The following ZZZ3 variants were observed in gnomAD, a reference collection of about 807,000 sequenced individuals.
ZZZ3 encodes the protein ZZ-type zinc finger-containing protein 3.
A neutral mutation model predicts 95.2 loss-of-function variants in ZZZ3; 22 were observed. The ratio of observed to expected loss-of-function variants is 0.23; its 90% CI spans 0.17 to 0.33. The LOEUF (loss-of-function observed/expected upper bound fraction) is 0.33. Ranked by LOEUF, ZZZ3 falls within the 10% of genes least tolerant of loss-of-function variation. The pLI, the probability that ZZZ3 is intolerant of heterozygous loss-of-function variation, is 1.00. For missense variants in ZZZ3, 885 were observed against 1,066.5 expected, an observed-to-expected ratio of 0.83 and a Z score of 2.37; for synonymous variants, 335 against 358.9, an observed-to-expected ratio of 0.93 and a Z score of 0.75.
chr1:77,648,099 C>A (rs1363729437), intron 1 of ZZZ3, among the ~76,000 whole-genome samples: 1 of 152,118 alleles, frequency 6.6e-6, no homozygotes, highest in Non-Finnish European at 1.5e-5. Context: ...TGGTTCACAC[C>A]TGTAATCCCA....
chr1:77,623,170 CTCTT>C (rs1317264386), intron 5 of ZZZ3, among the ~76,000 whole-genome samples: 1 of 152,198 alleles, frequency 6.6e-6, no homozygotes, highest in Non-Finnish European at 1.5e-5. Flanking sequence ...TTATCACCCT[CTCTT>C]TCTACTTGGA....
At chr1:77,616,246 C>T (rs1666302337) in intron 5 of ZZZ3, among the ~76,000 whole-genome samples, 1 of 152,138 alleles carries the variant, frequency 6.6e-6, no homozygotes, top group Admixed American at 6.5e-5. Context: ...TAACAAGTTT[C>T]TAATGCCCAA....
At chr1:77,669,969 T>C (rs1275248313) in intron 1 of ZZZ3, among the ~76,000 whole-genome samples, 2 of 151,902 alleles carry the variant, frequency 1.3e-5, no homozygotes, top group Non-Finnish European at 2.9e-5. Flanking sequence ...AATAGTTGCA[T>C]GGCACTGTAA....
At chr1:77,670,708 C>G (rs866410295) in intron 1 of ZZZ3, among the ~76,000 whole-genome samples, 5 of 149,590 alleles carry the variant, frequency 3.3e-5, no homozygotes, top group Non-Finnish European at 5.9e-5. Flanking sequence ...TTATCAGAAT[C>G]AAACTGGAGT....
rs761062505 is a variant in ZZZ3, at chr1:77,631,836, A to G, written c.1505+14T>C. The G allele has an allele frequency of 3.9e-6, 6 of 1,531,714 alleles. No homozygotes were observed. In the African/African-American group the frequency reaches 6.9e-5, roughly 18 times the overall value. 94.9% of individuals were successfully genotyped at this position (1,531,714 alleles called of 1,614,324 possible). A position where few individuals can be genotyped will look rare whatever the true frequency, so the allele number is the denominator to read the frequency against. On this transcript the variant is annotated intron_variant, in intron 5 of 14. Transcript: ENST00000370801. ...AAACAAAGCAGAATTCATGGTTACC[A>G]TATTTACACATACTCTTTGTTGTGT... is the stretch of plus-strand genomic sequence containing the variant.
intron 1 of ZZZ3, among the ~76,000 whole-genome samples, chr1:77,681,179 A>T (rs1672718721): frequency 6.6e-6 from 1 of 152,230 alleles, no homozygotes. Context: ...ATATGGAAAT[A>T]TCTGGAATGA....
intron 5 of ZZZ3, among the ~76,000 whole-genome samples, chr1:77,614,703 G>C (rs1666140140): frequency 6.6e-6 from 1 of 151,908 alleles, no homozygotes; most frequent in South Asian, 2.1e-4. Context: ...AATATACAGG[G>C]GAATATGTTA....
At chr1:77,585,634 A>C (rs1305591414) in intron 5 of ZZZ3, among the ~76,000 whole-genome samples, 3 of 152,200 alleles carry the variant, frequency 2.0e-5, no homozygotes, top group Non-Finnish European at 4.4e-5. Flanking sequence ...TACTAGACTA[A>C]ACTCCATAAT....
At chr1:77,620,005 CAA>C (rs1666690836) in intron 5 of ZZZ3, among the ~76,000 whole-genome samples, 1 of 152,020 alleles carries the variant, frequency 6.6e-6, no homozygotes, top group African/African-American at 2.4e-5. Context: ...ATGATTCTCT[CAA>C]AGAGCTTATG....
At chr1:77,671,090 G>A (rs1347223582) in intron 1 of ZZZ3, among the ~76,000 whole-genome samples, 3 of 151,214 alleles carry the variant, frequency 2.0e-5, no homozygotes, top group African/African-American at 4.9e-5. Context: ...TCCAACCTCA[G>A]AATGGAGGCA....
chr1:77,652,922 C>T (rs1349975801), intron 1 of ZZZ3, among the ~76,000 whole-genome samples: 1 of 152,164 alleles, frequency 6.6e-6, no homozygotes, highest in Non-Finnish European at 1.5e-5. Flanking sequence ...TGGTTCACAC[C>T]TGTAATCCCA....
At chr1:77,657,857 G>C (rs1398573660) in intron 1 of ZZZ3, among the ~76,000 whole-genome samples, 4 of 152,082 alleles carry the variant, frequency 2.6e-5, no homozygotes, top group Admixed American at 2.6e-4. Flanking sequence ...TACAAATATA[G>C]CTTACCCCAT....
intron 12 of ZZZ3, among the ~76,000 whole-genome samples, chr1:77,572,117 A>C (rs1661447157): frequency 6.6e-6 from 1 of 152,206 alleles, no homozygotes; most frequent in South Asian, 2.1e-4. Flanking sequence ...AGAAACTAAA[A>C]TCTATAAACT....
Position 77,580,991 on chromosome 1 carries a change from T to C in ZZZ3, c.1980+7A>G, listed in dbSNP as rs2100552545. On this transcript the variant is annotated splice_region_variant and intron_variant, in intron 9 of 14. Coordinates refer to ENST00000370801, the MANE Select transcript of ZZZ3 (RefSeq NM_015534.6). ...TTAAGCCTACACGATTTTGAAATAT[T>C]TATTACCTGTTCTTCAACAGTCCAC... 1 of 1,612,458 alleles carries C rather than the reference T, an allele frequency of 6.2e-7. No homozygotes were observed.
intron 5 of ZZZ3, among the ~76,000 whole-genome samples, chr1:77,612,789 G>A (rs904814867): frequency 6.6e-6 from 1 of 151,728 alleles, no homozygotes; most frequent in African/African-American, 2.4e-5. Flanking sequence ...CTGGCAGGGG[G>A]GTGGGGAAAG....
chr1:77,632,619 C>A lies in ZZZ3; in HGVS notation c.736G>T (p.Asp246Tyr), dbSNP rs150105207. The change falls in exon 5 of 15, where the codon GAT (aspartate) becomes TAT (tyrosine). Residue 246 changes from aspartate to tyrosine, a missense_variant. Asp to Tyr is a radical substitution (Grantham distance 160). This residue lies in a region of ZZZ3 where 556 missense variants were observed against 652.9 expected (regional missense o/e 0.85). Coordinates refer to ENST00000370801, the MANE Select transcript of ZZZ3 (RefSeq NM_015534.6). ...TCAAGGAACATTGAAGTTTGGGTAT[C>A]CGTATCCCCATTTTCAGCTACTGAT... ...EKSVAENGDTDTQTSMFLDSR... is the reference protein window; with the variant it reads ...EKSVAENGDTYTQTSMFLDSR... 3.8e-5 allele frequency: 61 copies of A among 1,614,160 alleles called. No homozygotes were observed. The highest frequency in any genetic ancestry group is 4.7e-5 in the Non-Finnish European group (56 of 1,180,018).
intron 5 of ZZZ3, among the ~76,000 whole-genome samples, chr1:77,605,188 C>G (rs1665112852): frequency 6.6e-6 from 1 of 152,144 alleles, no homozygotes; most frequent in Non-Finnish European, 1.5e-5. Context: ...TCCCTATCCC[C>G]CAGCAGTGAC....
chr1:77,655,010 G>T (rs1188551966), intron 1 of ZZZ3, among the ~76,000 whole-genome samples: 1 of 152,100 alleles, frequency 6.6e-6, no homozygotes, highest in Non-Finnish European at 1.5e-5. Flanking sequence ...ATTGTCTCTG[G>T]TGAGAGCCTT....
At chr1:77,669,738 G>A (rs375967366) in intron 1 of ZZZ3, among the ~76,000 whole-genome samples, 5 of 152,044 alleles carry the variant, frequency 3.3e-5, no homozygotes, top group East Asian at 1.9e-4. Context: ...TATTACAGGC[G>A]TGAGCCACTG....
Sources: allele counts gnomAD v4.1 joint callset (sites outside exome capture counted in the v4.1 genomes callset), GRCh38; gene constraint gnomAD v4.1.1; regional missense constraint gnomAD v4.1.1; transcripts MANE v1.5; gene names NCBI Gene and HGNC (gene_info 2026-07-23, HGNC 2026-07-21).